Variants in SCAPER observed in about 807,000 individuals in gnomAD.
SCAPER encodes S phase cyclin A-associated protein in the endoplasmic reticulum.
A neutral mutation model predicts 182.2 loss-of-function variants in SCAPER; 98 were observed. That is an observed-to-expected ratio of 0.54 (90% confidence interval 0.46 to 0.64). The LOEUF is 0.64. Ranked by LOEUF, SCAPER falls within the 30% of genes least tolerant of loss-of-function variation. The pLI is 0.00. For synonymous variants in SCAPER, 605 were observed against 564.6 expected, an observed-to-expected ratio of 1.07 and a Z score of -1.01; for missense variants, 1,432 against 1,690.0, an observed-to-expected ratio of 0.85 and a Z score of 2.68.
chr15:76,616,188 C>T (rs11072607), intron 22 of SCAPER, among the ~76,000 whole-genome samples: 47,696 of 152,012 alleles, frequency 0.31, 7,778 homozygotes, highest in East Asian at 0.55. Flanking sequence ...CCCATGTTCA[C>T]AGCAGCATTA....
chr15:76,694,387 A>G (rs964946453), intron 20 of SCAPER, among the ~76,000 whole-genome samples: 2 of 152,130 alleles, frequency 1.3e-5, no homozygotes, highest in Non-Finnish European at 2.9e-5. Context: ...TCTTTTTCAG[A>G]AAGTTCATTG....
intron 24 of SCAPER, among the ~76,000 whole-genome samples, chr15:76,503,817 G>GA (rs2041347898): frequency 2.7e-5 from 4 of 149,400 alleles, no homozygotes; most frequent in African/African-American, 7.4e-5. Context: ...ATGCCTCTCA[G>GA]AAAAAAAAGA....
Position 76,842,159 on chromosome 15 carries a change from T to C in SCAPER, c.196-228A>G, listed in dbSNP as rs577870234. ...TTAGGTATTATAAGCAATCTAAAGA[T>C]TAAAGTATATGGGAGGATATGCATA... is the stretch of plus-strand genomic sequence containing the variant. On this transcript the variant is annotated intron_variant, in intron 4 of 31. Coordinates refer to ENST00000563290, the MANE Select transcript of SCAPER (RefSeq NM_020843.4). Among the ~76,000 whole-genome samples the C allele has an allele frequency of 8.5e-5, 13 of 152,288 alleles. No homozygotes were observed. The East Asian group carries it at 2.5e-3, about 29-fold the overall frequency.
Position 76,533,018 on chromosome 15 carries a change from C to T in SCAPER, c.2839-28044G>A, listed in dbSNP as rs1603858. Among the ~76,000 whole-genome samples, 132 of 152,176 alleles carry T rather than the reference C, an allele frequency of 8.7e-4. 1 individual carries two copies. The highest frequency in any genetic ancestry group is 3.4e-3 in the Middle Eastern group (1 of 294). ...CTTTTAGAAACTACAGTTTTGTAGG[C>T]AAAACAATAAGTAATTATATTATGC... is the stretch of plus-strand genomic sequence containing the variant. On this transcript the variant is annotated intron_variant, in intron 23 of 31. Transcript: ENST00000563290.
At chr15:76,665,098 C>G (rs1296783144) in intron 21 of SCAPER, among the ~76,000 whole-genome samples, 1 of 152,150 alleles carries the variant, frequency 6.6e-6, no homozygotes, top group Non-Finnish European at 1.5e-5. Flanking sequence ...AGATGACACT[C>G]AAAGCTTGTG....
chr15:76,443,342 A>G (rs1320673066), intron 25 of SCAPER, among the ~76,000 whole-genome samples: 1 of 152,242 alleles, frequency 6.6e-6, no homozygotes, highest in Non-Finnish European at 1.5e-5. Context: ...CATCCATTTG[A>G]AAAGATCCCC....
At chr15:76,714,193 C>A (rs1162787175) in intron 17 of SCAPER, among the ~76,000 whole-genome samples, 2 of 152,080 alleles carry the variant, frequency 1.3e-5, no homozygotes, top group Non-Finnish European at 2.9e-5. Flanking sequence ...AAATGGATTA[C>A]CAAGCAGCAT....
chr15:76,851,627 T>C (rs1454694772), intron 4 of SCAPER, among the ~76,000 whole-genome samples: 2 of 152,170 alleles, frequency 1.3e-5, no homozygotes, highest in African/African-American at 4.8e-5. Flanking sequence ...CCTTTTCAGA[T>C]AAGCAAATGT....
At chr15:76,387,259 G>T (rs184306524) in intron 27 of SCAPER, among the ~76,000 whole-genome samples, 7 of 152,148 alleles carry the variant, frequency 4.6e-5, no homozygotes, top group Non-Finnish European at 8.8e-5. Flanking sequence ...AGGAAAACCA[G>T]GAATTCAGTT....
At chr15:76,801,632 T>C (rs1319643768) in intron 6 of SCAPER, among the ~76,000 whole-genome samples, 1 of 152,134 alleles carries the variant, frequency 6.6e-6, no homozygotes, top group East Asian at 1.9e-4. Context: ...GTAAAAGGGA[T>C]GCCTCAGCCA....
In SCAPER at chr15:76,379,700, T is replaced by C. The variant is rs577365146; in HGVS notation, c.3705+1678A>G. The stretch of plus-strand genomic sequence containing the variant: ...TTCTTTTTGATTTTTTTCTTTTCCT[T>C]TTTTTTTTCTTTTTCCTTTTTTAAT... On this transcript the variant is annotated intron_variant, in intron 28 of 31. Transcript: ENST00000563290. 4.6e-5 allele frequency: 7 copies of C among 150,954 alleles called. No individual in the cohort carries two copies. In the East Asian group the frequency reaches 1.4e-3, roughly 29 times the overall value. The allele number at this position is 150,954 out of a possible 1,614,324, so 9.4% of individuals were successfully genotyped here. A position where few individuals can be genotyped will look rare whatever the true frequency, so the allele number is the denominator to read the frequency against.
intron 23 of SCAPER, among the ~76,000 whole-genome samples, chr15:76,551,436 T>C (rs1040024565): frequency 6.6e-6 from 1 of 152,076 alleles, no homozygotes; most frequent in African/African-American, 2.4e-5. Context: ...GGACATTATG[T>C]TAAGTGAAAT....
intron 17 of SCAPER, among the ~76,000 whole-genome samples, chr15:76,718,112 A>G (rs1247925095): frequency 6.6e-6 from 1 of 152,238 alleles, no homozygotes; most frequent in Non-Finnish European, 1.5e-5. Context: ...CTAGAAATCA[A>G]TAAAATGAAT....
At chr15:76,493,815 G>C (rs1236326149) in intron 24 of SCAPER, among the ~76,000 whole-genome samples, 1 of 152,152 alleles carries the variant, frequency 6.6e-6, no homozygotes, top group Non-Finnish European at 1.5e-5. Context: ...TGGTACAACA[G>C]CTGTCAACTG....
chr15:76,759,116 A>G (rs2062621746), intron 14 of SCAPER, among the ~76,000 whole-genome samples: 1 of 152,132 alleles, frequency 6.6e-6, no homozygotes, highest in African/African-American at 2.4e-5. Context: ...TTGGAGAGAA[A>G]TGGTAAAAGT....
At chr15:76,810,160 T>C (rs2066482983) in intron 5 of SCAPER, among the ~76,000 whole-genome samples, 2 of 152,078 alleles carry the variant, frequency 1.3e-5, no homozygotes, top group African/African-American at 4.8e-5. Context: ...AAAGCATAAG[T>C]AAGCAATTCA....
intron 15 of SCAPER, among the ~76,000 whole-genome samples, chr15:76,752,188 A>C (rs1373277034): frequency 2.0e-5 from 3 of 151,644 alleles, no homozygotes; most frequent in African/African-American, 7.2e-5. Flanking sequence ...GAGATACCAA[A>C]TAACACACAT....
At chr15:76,768,399 G>C (rs541638348) in intron 10 of SCAPER, among the ~76,000 whole-genome samples, 32 of 152,238 alleles carry the variant, frequency 2.1e-4, no homozygotes, top group African/African-American at 7.5e-4. Context: ...GACAAACTAA[G>C]ACATGAATGA....
intron 22 of SCAPER, among the ~76,000 whole-genome samples, chr15:76,598,201 G>C (rs1232124642): frequency 8.2e-6 from 1 of 121,504 alleles, no homozygotes; most frequent in Non-Finnish European, 2.0e-5. Flanking sequence ...ATGAAAAAAG[G>C]CTCATCATCA....
Sources: gnomAD v4.1 joint callset for allele counts (sites outside exome capture counted in the v4.1 genomes callset) on GRCh38, gnomAD v4.1.1 for gene constraint, MANE v1.5 for transcripts, NCBI Gene and HGNC (gene_info 2026-07-23, HGNC 2026-07-21) for gene names.